AGAP1: variants seen among roughly 807,000 people sequenced by gnomAD.
AGAP1 encodes the protein arf-GAP with GTPase, ANK repeat and PH domain-containing protein 1.
Under a neutral mutation model 105.3 loss-of-function variants are expected in AGAP1, and 29 were observed. The observed-to-expected ratio is 0.28, with a 90% CI of 0.21 to 0.38. The LOEUF is 0.38. AGAP1 is among the 10% of genes least tolerant of loss of function. The pLI, the probability that AGAP1 is intolerant of heterozygous loss-of-function variation, is 1.00. For missense variants in AGAP1, 998 were observed against 1,165.1 expected (o/e 0.86, Z 2.09); for synonymous variants, 509 against 485.9 (o/e 1.05, Z -0.63).
intron 1 of AGAP1, among the ~76,000 whole-genome samples, chr2:235,541,285 A>G (rs1342712990): frequency 6.6e-6 from 1 of 150,808 alleles, no homozygotes; most frequent in African/African-American, 2.4e-5. Context: ...CCTTTGAAGC[A>G]TCTTGTGGGC....
At chr2:235,907,071 A>G (rs111296407) in intron 10 of AGAP1, among the ~76,000 whole-genome samples, 2 of 152,260 alleles carry the variant, frequency 1.3e-5, no homozygotes, top group African/African-American at 4.8e-5. Context: ...AGCCACTGGG[A>G]TCTCGCTTTG....
At position 235,905,141 on chromosome 2, in the gene AGAP1, G is replaced by A. The variant is rs1478854475; in HGVS notation, c.1156-3597G>A. On this transcript the variant is annotated intron_variant, in intron 10 of 17. Coordinates refer to ENST00000304032, the MANE Select transcript of AGAP1 (RefSeq NM_001037131.3). The surrounding 1 kb of genome is among the most constrained non-coding windows in gnomAD (Gnocchi z 4.2). ...CTATAATAATTTTAAATAAAATATC[G>A]TGGTTATTGTATGTTAAAACATGCC... is the stretch of plus-strand genomic sequence containing the variant. Among the ~76,000 whole-genome samples the A allele has an allele frequency of 1.3e-5, 2 of 152,140 alleles. No homozygotes were observed. The highest frequency in any genetic ancestry group is 2.4e-5 in the African/African-American group (1 of 41,498).
intron 9 of AGAP1, among the ~76,000 whole-genome samples, chr2:235,814,053 C>T (rs1958310408): frequency 6.6e-6 from 1 of 152,188 alleles, no homozygotes. Flanking sequence ...TCTCGACGCC[C>T]AGCCGCCTGT....
intron 16 of AGAP1, among the ~76,000 whole-genome samples, chr2:236,108,663 A>C (rs1029485836): frequency 1.3e-4 from 20 of 152,066 alleles, no homozygotes; most frequent in Admixed American, 1.2e-3. Context: ...CTTGACCTGG[A>C]GTGCACTTTC....
At chr2:236,048,276 G>A (rs1053347927) in intron 15 of AGAP1, among the ~76,000 whole-genome samples, 1 of 152,194 alleles carries the variant, frequency 6.6e-6, no homozygotes, top group Non-Finnish European at 1.5e-5. Context: ...CCAGTTTCAC[G>A]CAGTGAGTGC....
At position 235,569,493 on chromosome 2, in the gene AGAP1, GT is replaced by G. The variant is rs1944451479; in HGVS notation, c.163+74645del. 6.6e-6 allele frequency among the ~76,000 whole-genome samples: 1 copy of G among 152,216 alleles called. No homozygotes were observed. Among genetic ancestry groups the G allele is most frequent in the South Asian group, 2.1e-4 (1 of 4,826 alleles). On this transcript the variant is annotated intron_variant, in intron 1 of 17. Transcript: ENST00000304032. This position sits in a 1 kb window ranked among gnomAD's most constrained non-coding sequence, Gnocchi z 5.9. ...GAGACTTTTGGTGGCTCTATAGGCA[GT>G]AAAGGGCAAAATGGAAAGCAAACCT... is the stretch of plus-strand genomic sequence containing the variant.
chr2:235,923,530 A>ACCCCG (rs1559651113), intron 11 of AGAP1, among the ~76,000 whole-genome samples: 1 of 32,492 alleles, frequency 3.1e-5, no homozygotes, highest in Non-Finnish European at 5.9e-5. Flanking sequence ...ACCCCACCCC[A>ACCCCG]CTCACAAGGG....
intron 3 of AGAP1, among the ~76,000 whole-genome samples, chr2:235,726,640 C>T (rs1463649727): frequency 6.6e-6 from 1 of 152,158 alleles, no homozygotes; most frequent in Admixed American, 6.5e-5. Flanking sequence ...AAGCCCAGCT[C>T]CAGGTCCAGG....
At chr2:235,955,088 G>A (rs1318881511) in intron 12 of AGAP1, among the ~76,000 whole-genome samples, 2 of 152,182 alleles carry the variant, frequency 1.3e-5, no homozygotes, top group African/African-American at 2.4e-5. Flanking sequence ...GTTCAGGGGT[G>A]CTATTTTGTT....
At chr2:235,564,243 C>G (rs1944266209) in intron 1 of AGAP1, among the ~76,000 whole-genome samples, 1 of 152,172 alleles carries the variant, frequency 6.6e-6, no homozygotes, top group Non-Finnish European at 1.5e-5. Flanking sequence ...TTTTCTTGGA[C>G]CAAGAAACCT....
chr2:235,563,467 CCTT>C (rs1227872635), intron 1 of AGAP1, among the ~76,000 whole-genome samples: 1 of 152,048 alleles, frequency 6.6e-6, no homozygotes, highest in East Asian at 1.9e-4. Context: ...TGCCTCGGCT[CCTT>C]CTGTGGAGGA....
chr2:235,534,316 C>T (rs1461824924), intron 1 of AGAP1, among the ~76,000 whole-genome samples: 3 of 152,116 alleles, frequency 2.0e-5, no homozygotes, highest in Non-Finnish European at 4.4e-5. Context: ...TCACACAGTC[C>T]ATGTTTAATA....
In AGAP1 at chr2:235,642,784, G is replaced by A. The variant is rs1947241969; in HGVS notation, c.164-66395G>A. On this transcript the variant is annotated intron_variant, in intron 1 of 17. Transcript: ENST00000304032. The surrounding 1 kb of genome is among the most constrained non-coding windows in gnomAD (Gnocchi z 4.1). ...TTTTAGAAGGAGGGGGGAAAATAGA[G>A]AAGTAGTTATCTCATTGTCTTGGAA... is the stretch of plus-strand genomic sequence containing the variant. Among the ~76,000 whole-genome samples, 1 of 152,246 alleles carries A rather than the reference G, an allele frequency of 6.6e-6. No individual in the cohort carries two copies. The highest frequency in any genetic ancestry group is 2.4e-5 in the African/African-American group (1 of 41,476).
At chr2:236,098,611 C>G (rs1164086883) in intron 16 of AGAP1, among the ~76,000 whole-genome samples, 24 of 80,678 alleles carry the variant, frequency 3.0e-4, no homozygotes, top group Admixed American at 2.1e-4. Flanking sequence ...TTGATGAAAT[C>G]TTTTTTTCCT....
At chr2:235,657,537 T>A (rs1044531798) in intron 1 of AGAP1, among the ~76,000 whole-genome samples, 1 of 152,040 alleles carries the variant, frequency 6.6e-6, no homozygotes, top group African/African-American at 2.4e-5. Context: ...CGCCACCACA[T>A]CCAGCTAATT....
At position 236,062,977 on chromosome 2, in the gene AGAP1, G is replaced by A. The variant is rs1377571823; in HGVS notation, c.2114+13696G>A. ...GCCTGGCCATCAGCTATTTTTTTAA[G>A]AGATGGGGGTCTCACTATGTTGCCC... On this transcript the variant is annotated intron_variant, in intron 16 of 17. Transcript: ENST00000304032. The surrounding 1 kb of genome is among the most constrained non-coding windows in gnomAD (Gnocchi z 4.2). Among the ~76,000 whole-genome samples, 1 of 152,096 alleles carries A rather than the reference G, an allele frequency of 6.6e-6. No individual in the cohort carries two copies.
intron 2 of AGAP1, among the ~76,000 whole-genome samples, chr2:235,710,164 C>T (rs1006327176): frequency 3.3e-5 from 5 of 152,122 alleles, no homozygotes; most frequent in Admixed American, 6.6e-5. Flanking sequence ...GCACCAGATC[C>T]CCTGCGGCCC....
intron 12 of AGAP1, among the ~76,000 whole-genome samples, chr2:235,941,879 C>A (rs981167808): frequency 2.0e-5 from 3 of 151,850 alleles, no homozygotes; most frequent in African/African-American, 7.3e-5. Context: ...ACACTGAAGG[C>A]GAAGCACAGA....
chr2:235,523,082 T>C (rs1490401447), intron 1 of AGAP1, among the ~76,000 whole-genome samples: 1 of 152,206 alleles, frequency 6.6e-6, no homozygotes, highest in African/African-American at 2.4e-5. Flanking sequence ...GTGAGGGCTC[T>C]CTTCCTGGCT....
Sources: allele counts gnomAD v4.1 joint callset (sites outside exome capture counted in the v4.1 genomes callset), GRCh38; gene constraint gnomAD v4.1.1; non-coding constraint Gnocchi (gnomAD v3.1); transcripts MANE v1.5; gene names NCBI Gene and HGNC (gene_info 2026-07-23, HGNC 2026-07-21).